CCSER1: variants seen among roughly 807,000 people sequenced by gnomAD.
CCSER1 encodes serine-rich coiled-coil domain-containing protein 1.
In CCSER1, 41 loss-of-function variants were observed where a neutral mutation model predicts 82.0. The ratio of observed to expected loss-of-function variants is 0.50; its 90% CI spans 0.39 to 0.65. CCSER1 has a LOEUF of 0.65. Ranked by LOEUF, CCSER1 falls within the 30% of genes least tolerant of loss-of-function variation. The pLI, the probability that CCSER1 is intolerant of heterozygous loss-of-function variation, is 0.00. For missense variants in CCSER1, 1,119 were observed against 1,064.2 expected (o/e 1.05, Z -0.72); for synonymous variants, 414 against 383.9 (o/e 1.08, Z -0.92).
At chr4:90,197,751 T>G (rs984897060) in intron 1 of CCSER1, among the ~76,000 whole-genome samples, 22 of 150,878 alleles carry the variant, frequency 1.5e-4, no homozygotes, top group Non-Finnish European at 1.5e-5. Context: ...TACAGGGAGA[T>G]AGAGAGTAGA....
chr4:91,112,659 G>C (rs1168768628), intron 10 of CCSER1: 8 of 152,020 alleles, frequency 5.3e-5, no homozygotes, highest in Admixed American at 5.2e-4. Context: ...TTCAATCTCA[G>C]TTTTATTTCT....
intron 8 of CCSER1, among the ~76,000 whole-genome samples, chr4:90,877,374 A>G (rs1158829971): frequency 6.6e-6 from 1 of 152,118 alleles, no homozygotes; most frequent in Non-Finnish European, 1.5e-5. Flanking sequence ...TTACCTATAC[A>G]TGGAAAAAGT....
At chr4:90,942,275 T>G (rs1477844528) in intron 9 of CCSER1, among the ~76,000 whole-genome samples, 2 of 152,086 alleles carry the variant, frequency 1.3e-5, no homozygotes, top group African/African-American at 4.8e-5. Context: ...GTCTTTTAAA[T>G]GACATCTTTT....
At chr4:90,399,103 T>TCC (rs1354322101) in intron 3 of CCSER1, among the ~76,000 whole-genome samples, 1 of 152,162 alleles carries the variant, frequency 6.6e-6, no homozygotes, top group Non-Finnish European at 1.5e-5. Flanking sequence ...TGTACATTTG[T>TCC]TATTTCATTG....
At position 90,439,244 on chromosome 4, in the gene CCSER1, C is replaced by T. The variant is rs151315060; in HGVS notation, c.1604-28990C>T. ...CGGAGGTTGTAGTGAGCTGAGATCA[C>T]ACCACTGCACTCTAGCCCGTGTGAC... On this transcript the variant is annotated intron_variant, in intron 4 of 10. Transcript: ENST00000509176. Among the ~76,000 whole-genome samples the T allele has an allele frequency of 1.7e-4, 26 of 152,256 alleles. No homozygotes were observed. In the East Asian group the frequency reaches 2.7e-3, roughly 16 times the overall value.
intron 10 of CCSER1, among the ~76,000 whole-genome samples, chr4:91,295,559 T>C (rs1443799437): frequency 1.3e-5 from 2 of 151,940 alleles, no homozygotes; most frequent in Non-Finnish European, 2.9e-5. Flanking sequence ...AAAATTAAAA[T>C]ATCAATTTTA....
chr4:90,423,945 G>T (rs567161194), intron 4 of CCSER1, among the ~76,000 whole-genome samples: 1 of 151,840 alleles, frequency 6.6e-6, no homozygotes, highest in African/African-American at 2.4e-5. Flanking sequence ...CAAAAAATTA[G>T]CTGGGCACAG....
intron 7 of CCSER1, among the ~76,000 whole-genome samples, chr4:90,730,628 T>C (rs1040644670): frequency 6.6e-6 from 1 of 152,036 alleles, no homozygotes; most frequent in African/African-American, 2.4e-5. Context: ...TAAAGCGCAA[T>C]ATGAAGGATA....
At position 91,147,650 on chromosome 4, in the gene CCSER1, G is replaced by A. The variant is rs139975686; in HGVS notation, c.2217+61656G>A. Reference sequence around the variant, plus strand: ...GTTTTATTTTCTGGCCCCTTAGGGTGGAGCACCAGCTGTGCTGGGAGTGAT... The same window carrying A: ...GTTTTATTTTCTGGCCCCTTAGGGTAGAGCACCAGCTGTGCTGGGAGTGAT... On this transcript the variant is annotated intron_variant, in intron 10 of 10. Transcript: ENST00000509176. 8.6e-3 allele frequency among the ~76,000 whole-genome samples: 1,310 copies of A among 152,296 alleles called. 11 individuals are homozygous for A. The highest frequency in any genetic ancestry group is 0.03 in the African/African-American group (1,245 of 41,566).
intron 3 of CCSER1, among the ~76,000 whole-genome samples, chr4:90,393,060 C>G (rs558963518): frequency 6.6e-6 from 1 of 152,084 alleles, no homozygotes; most frequent in African/African-American, 2.4e-5. Flanking sequence ...CTGTATGTAC[C>G]CAGTCTATTC....
intron 5 of CCSER1, among the ~76,000 whole-genome samples, chr4:90,626,074 A>C (rs2148902531): frequency 6.6e-6 from 1 of 152,280 alleles, no homozygotes; most frequent in Non-Finnish European, 1.5e-5. Context: ...TTTAAATTTT[A>C]TTGTAATTGT....
rs141574384 is a variant in CCSER1, at chr4:90,150,014, A to G, written c.-42+22183A>G. On this transcript the variant is annotated intron_variant, in intron 1 of 10. Transcript: ENST00000509176. The stretch of plus-strand genomic sequence containing the variant: ...CCCTTGAACAAAATGGGCTAACTGC[A>G]TGGGTCCATTTAAATGTGGATTTTT... Among the ~76,000 whole-genome samples, 799 of 152,274 alleles carry G rather than the reference A, an allele frequency of 5.2e-3. 4 individuals carry two copies. Among genetic ancestry groups the G allele is most frequent in the Non-Finnish European group, 8.8e-3 (597 of 68,008 alleles).
At chr4:91,336,717 AGACTT>A (rs1747352003) in intron 10 of CCSER1, among the ~76,000 whole-genome samples, 1 of 152,112 alleles carries the variant, frequency 6.6e-6, no homozygotes, top group African/African-American at 2.4e-5. Flanking sequence ...TTATTCTAAT[AGACTT>A]AAGAACTCTC....
At chr4:90,314,612 T>C (rs1013795650) in intron 3 of CCSER1, among the ~76,000 whole-genome samples, 1 of 151,838 alleles carries the variant, frequency 6.6e-6, no homozygotes, top group Non-Finnish European at 1.5e-5. Context: ...AATAATTAGC[T>C]AGAAGTGGTT....
At chr4:91,353,830 GT>G (rs1298724551) in intron 10 of CCSER1, among the ~76,000 whole-genome samples, 2 of 152,146 alleles carry the variant, frequency 1.3e-5, no homozygotes, top group Non-Finnish European at 2.9e-5. Flanking sequence ...TATTATAAGA[GT>G]TTTAAATCCT....
intron 10 of CCSER1, among the ~76,000 whole-genome samples, chr4:91,232,989 A>G (rs139919931): frequency 4.4e-3 from 675 of 151,970 alleles, no homozygotes; most frequent in Middle Eastern, 0.01. Flanking sequence ...AGTATTAACA[A>G]TGGCAATCTC....
Position 91,517,786 on chromosome 4 carries a change from T to TGTGTG in CCSER1, c.2218-80786_2218-80785insGTGTG, listed in dbSNP as rs1560732342. Among the ~76,000 whole-genome samples, 858 of 90,634 alleles carry TGTGTG rather than the reference T, an allele frequency of 9.5e-3. 5 individuals are homozygous for TGTGTG. The highest frequency in any genetic ancestry group is 0.021 in the Middle Eastern group (4 of 190). 59.5% of individuals were successfully genotyped at this position (90,634 alleles called of 152,430 possible). ...TGTGTGTGTGTGTGTGTGTGTGTGT[T>TGTGTG]TAACTTTGATATAAATTGAGTACAG... On this transcript the variant is annotated intron_variant, in intron 10 of 10. Transcript: ENST00000509176.
At chr4:90,541,563 A>G (rs1776118442) in intron 5 of CCSER1, among the ~76,000 whole-genome samples, 1 of 152,154 alleles carries the variant, frequency 6.6e-6, no homozygotes, top group African/African-American at 2.4e-5. Flanking sequence ...GGAATGACAC[A>G]TAGCAAACTA....
intron 8 of CCSER1, among the ~76,000 whole-genome samples, chr4:90,912,709 G>A (rs971497309): frequency 6.6e-6 from 1 of 152,130 alleles, no homozygotes; most frequent in African/African-American, 2.4e-5. Flanking sequence ...GAGGAAGTTC[G>A]AACCCATGGC....
Sources: allele counts gnomAD v4.1 joint callset (sites outside exome capture counted in the v4.1 genomes callset), GRCh38; gene constraint gnomAD v4.1.1; transcripts MANE v1.5; gene names NCBI Gene and HGNC (gene_info 2026-07-23, HGNC 2026-07-21).